KIAA0825: variants seen among roughly 807,000 people sequenced by gnomAD.
The protein encoded by KIAA0825 is uncharacterized protein KIAA0825.
Under a neutral mutation model 147.6 loss-of-function variants are expected in KIAA0825, and 119 were observed. That is an observed-to-expected ratio of 0.81 (90% CI 0.69 to 0.94). The LOEUF is 0.94. Among genes scored for constraint, KIAA0825 ranks in the 40% least tolerant of loss-of-function variants. The pLI, the probability that KIAA0825 is intolerant of heterozygous loss-of-function variation, is 0.00. For synonymous variants in KIAA0825, 470 were observed against 518.1 expected, an observed-to-expected ratio of 0.91 and a Z score of 1.26; for missense variants, 1,381 against 1,472.7, an observed-to-expected ratio of 0.94 and a Z score of 1.02.
At chr5:94,241,623 T>C (rs926116672) in intron 20 of KIAA0825, among the ~76,000 whole-genome samples, 14 of 152,220 alleles carry the variant, frequency 9.2e-5, no homozygotes, top group African/African-American at 3.4e-4. Flanking sequence ...TCCAGTAGAT[T>C]GTGTAAAGAA....
rs752916461 is a variant in KIAA0825 at position 94,417,337 on chromosome 5, C to G, written c.2526G>C (p.Leu842=). Residue 842 remains leucine (L), a synonymous_variant, in exon 15 of 21, where the codon CTG becomes CTC. Transcript: ENST00000682413. ...CTTCCATCAAGCTGGGTCCTTGGTT[C>G]AGGTTATTTTCTGTGTCGGAAACTT... ...SKQVSDTENN[L]NQGPSLMEAI... The G allele has an allele frequency of 1.1e-5, 17 of 1,547,276 alleles. No individual in the cohort carries two copies. In the South Asian group the frequency reaches 1.9e-4, roughly 17 times the overall value.
chr5:94,470,597 A>G (rs1761097856), intron 9 of KIAA0825, among the ~76,000 whole-genome samples: 1 of 152,264 alleles, frequency 6.6e-6, no homozygotes, highest in Non-Finnish European at 1.5e-5. Flanking sequence ...CTACAGAAAT[A>G]TTAAATAAAA....
intron 20 of KIAA0825, among the ~76,000 whole-genome samples, chr5:94,327,974 C>G (rs1584128659): frequency 6.6e-6 from 1 of 152,054 alleles, no homozygotes; most frequent in African/African-American, 2.4e-5. Context: ...CCACTGCACT[C>G]CAGCCTGGTG....
At chr5:94,190,825 GATA>G (rs1286429019) in intron 20 of KIAA0825, among the ~76,000 whole-genome samples, 1 of 151,776 alleles carries the variant, frequency 6.6e-6, no homozygotes. Flanking sequence ...AACATTTAAT[GATA>G]ATAGTATCAT....
intron 6 of KIAA0825, among the ~76,000 whole-genome samples, chr5:94,480,569 G>A (rs146130235): frequency 3.7e-4 from 57 of 152,032 alleles, no homozygotes; most frequent in Non-Finnish European, 6.3e-4. Flanking sequence ...GGAAGTAACT[G>A]TCTGCTATTG....
chr5:94,412,550 G>A (rs112744703), intron 15 of KIAA0825, among the ~76,000 whole-genome samples: 2 of 151,888 alleles, frequency 1.3e-5, no homozygotes, highest in South Asian at 2.1e-4. Flanking sequence ...ACAGGCACGC[G>A]CCACCACACC....
intron 20 of KIAA0825, among the ~76,000 whole-genome samples, chr5:94,167,793 A>G (rs142174304): frequency 2.2e-3 from 340 of 152,114 alleles, no homozygotes; most frequent in African/African-American, 7.8e-3. Context: ...AAAGGACATT[A>G]AATTTTTATA....
intron 2 of KIAA0825, among the ~76,000 whole-genome samples, chr5:94,556,640 T>A (rs1776592250): frequency 6.6e-6 from 1 of 152,220 alleles, no homozygotes; most frequent in Non-Finnish European, 1.5e-5. Context: ...CCCATTACAA[T>A]ACGCTTTTAT....
At chr5:94,534,062 AT>A (rs756816422) in intron 3 of KIAA0825, among the ~76,000 whole-genome samples, 7 of 152,250 alleles carry the variant, frequency 4.6e-5, no homozygotes, top group Admixed American at 1.3e-4. Flanking sequence ...TAAGGAAAAA[AT>A]ATCATATTTT....
chr5:94,477,938 A>G (rs1762082727), intron 6 of KIAA0825, among the ~76,000 whole-genome samples: 1 of 152,218 alleles, frequency 6.6e-6, no homozygotes, highest in Non-Finnish European at 1.5e-5. Flanking sequence ...GAATAATTTA[A>G]GGTTTACTTT....
chr5:94,366,745 G>A (rs1252459396), intron 20 of KIAA0825, among the ~76,000 whole-genome samples: 1 of 152,156 alleles, frequency 6.6e-6, no homozygotes, highest in Non-Finnish European at 1.5e-5. Context: ...ATAGCACTTG[G>A]ACATAAATTT....
At chr5:94,206,083 T>G (rs1583847370) in intron 20 of KIAA0825, among the ~76,000 whole-genome samples, 1 of 152,206 alleles carries the variant, frequency 6.6e-6, no homozygotes, top group East Asian at 1.9e-4. Flanking sequence ...AATTTTTACA[T>G]AGTTCTTTTA....
intron 2 of KIAA0825, among the ~76,000 whole-genome samples, chr5:94,582,059 C>T (rs577783533): frequency 5.1e-4 from 77 of 152,264 alleles, no homozygotes; most frequent in African/African-American, 1.8e-3. Context: ...TGAATTATTT[C>T]ATTCAATTCA....
chr5:94,391,816 C>T (rs566961516), intron 17 of KIAA0825, 122 bp from the exon 18 acceptor site: 698 of 837,482 alleles, frequency 8.3e-4, no homozygotes, highest in South Asian at 6.2e-3. Flanking sequence ...ATAAAGACTA[C>T]GCTGAAATAG....
At chr5:94,489,229 A>T (rs1283723491) in intron 5 of KIAA0825, among the ~76,000 whole-genome samples, 1 of 152,208 alleles carries the variant, frequency 6.6e-6, no homozygotes, top group East Asian at 1.9e-4. Context: ...TCACGTAGTC[A>T]CAGTGTGAAG....
chr5:94,307,859 G>A (rs1778848807), intron 20 of KIAA0825, among the ~76,000 whole-genome samples: 1 of 151,708 alleles, frequency 6.6e-6, no homozygotes, highest in Non-Finnish European at 1.5e-5. Flanking sequence ...GAAGGAAGGA[G>A]CATTCCTCCT....
At chr5:94,516,956 C>T (rs900403629) in intron 5 of KIAA0825, among the ~76,000 whole-genome samples, 28 of 151,946 alleles carry the variant, frequency 1.8e-4, no homozygotes, top group Non-Finnish European at 3.8e-4. Flanking sequence ...CAAAATTAAC[C>T]GGGCATGGTA....
At chr5:94,504,370 T>G (rs541590695) in intron 5 of KIAA0825, among the ~76,000 whole-genome samples, 5 of 152,296 alleles carry the variant, frequency 3.3e-5, no homozygotes, top group African/African-American at 1.2e-4. Flanking sequence ...GCAGCCATGA[T>G]AGTTGCTTAG....
At chr5:94,379,242 A>C (rs1748030725) in intron 20 of KIAA0825, among the ~76,000 whole-genome samples, 1 of 152,232 alleles carries the variant, frequency 6.6e-6, no homozygotes, top group African/African-American at 2.4e-5. Context: ...TTTAGGTTTT[A>C]CATTTAAGTC....
Sources: allele counts gnomAD v4.1 joint callset (sites outside exome capture counted in the v4.1 genomes callset), GRCh38; gene constraint gnomAD v4.1.1; transcripts MANE v1.5; gene names NCBI Gene and HGNC (gene_info 2026-07-23, HGNC 2026-07-21).